Variants in UBE2N observed in about 807,000 individuals in gnomAD.
The protein encoded by UBE2N is ubiquitin conjugating enzyme E2 N.
For synonymous variants in UBE2N, 70 were observed against 69.2 expected (o/e 1.01, Z -0.06); for missense variants, 60 against 192.1 (o/e 0.31, Z 4.07).
intron 1 of UBE2N, among the ~76,000 whole-genome samples, chr12:93,424,947 G>A (rs1272091468): frequency 1.3e-5 from 2 of 152,130 alleles, no homozygotes; most frequent in Non-Finnish European, 2.9e-5. Context: ...ATACATAAAT[G>A]AACTTTGTTT....
chr12:93,412,441 A>G (rs1318293344), intron 1 of UBE2N, among the ~76,000 whole-genome samples: 2 of 152,260 alleles, frequency 1.3e-5, no homozygotes, highest in African/African-American at 4.8e-5. Flanking sequence ...GGTCTTGAGC[A>G]CTAGATCTTA....
At chr12:93,416,259 C>G (rs574888763) in intron 1 of UBE2N, among the ~76,000 whole-genome samples, 1 of 152,140 alleles carries the variant, frequency 6.6e-6, no homozygotes. Context: ...ACCACAGAAA[C>G]TGATGTCAAC....
chr12:93,433,095 G>C (rs2121094117), intron 1 of UBE2N, among the ~76,000 whole-genome samples: 1 of 151,994 alleles, frequency 6.6e-6, no homozygotes, highest in African/African-American at 2.4e-5. Flanking sequence ...ACCACGCCCA[G>C]CTAATTTTTT....
rs1301426417 is a variant in UBE2N, at chr12:93,408,665, G to A, written c.*1374C>T. The stretch of plus-strand genomic sequence containing the variant: ...AGGGGAGGAATTCGTCAATAAAGAA[G>A]AAAAATTACTGAATTCCAAATTAAA... On this transcript the variant is annotated 3_prime_UTR_variant, in exon 4 of 4. Transcript: ENST00000318066. 1 of 152,148 alleles carries A rather than the reference G, an allele frequency of 6.6e-6. No individual in the cohort carries two copies. Among genetic ancestry groups the A allele is most frequent in the Non-Finnish European group, 1.5e-5 (1 of 68,006 alleles). 9.4% of individuals were successfully genotyped at this position (152,148 alleles called of 1,614,324 possible). A position where few individuals can be genotyped will look rare whatever the true frequency, so the allele number is the denominator to read the frequency against.
intron 1 of UBE2N, among the ~76,000 whole-genome samples, chr12:93,417,629 C>T (rs1313441882): frequency 6.6e-6 from 1 of 152,142 alleles, no homozygotes; most frequent in Non-Finnish European, 1.5e-5. Flanking sequence ...CCAGTAATAT[C>T]AACTGTAGAT....
Position 93,409,365 on chromosome 12 carries a change from C to CA in UBE2N, c.*673dup, listed in dbSNP as rs1877964672. 1 of 164,726 alleles carries CA rather than the reference C, an allele frequency of 6.1e-6. No homozygotes were observed. The highest frequency in any genetic ancestry group is 1.5e-5 in the Non-Finnish European group (1 of 68,076). The allele number at this position is 164,726 out of a possible 1,614,324, so 10.2% of individuals were successfully genotyped here. A position where few individuals can be genotyped will look rare whatever the true frequency, so the allele number is the denominator to read the frequency against. Reference sequence around the variant, plus strand: ...ACTGTACAAAGGCAAAGTAGAATAACAAAAAATATTTTACTAAAACATAAG... The same window carrying CA: ...ACTGTACAAAGGCAAAGTAGAATAACAAAAAAATATTTTACTAAAACATAAG... On this transcript the variant is annotated 3_prime_UTR_variant, in exon 4 of 4. Coordinates refer to ENST00000318066, the MANE Select transcript of UBE2N (RefSeq NM_003348.4).
chr12:93,417,371 T>C (rs1422038332), intron 1 of UBE2N, among the ~76,000 whole-genome samples: 1 of 152,230 alleles, frequency 6.6e-6, no homozygotes, highest in Non-Finnish European at 1.5e-5. Context: ...AGGACTCTTA[T>C]TTTTAAGTTG....
rs978306548 is a variant in UBE2N at position 93,405,688 on chromosome 12, G to C, written c.*4351C>G. The C allele has an allele frequency of 1.3e-5, 2 of 152,142 alleles. No individual in the cohort carries two copies. The highest frequency in any genetic ancestry group is 2.9e-5 in the Non-Finnish European group (2 of 68,026). 9.4% of individuals were successfully genotyped at this position (152,142 alleles called of 1,614,324 possible). A position where few individuals can be genotyped will look rare whatever the true frequency, so the allele number is the denominator to read the frequency against. Reference sequence around the variant, plus strand: ...AAACAAACAATATATTACTAGTCCAGGTGGTAGATGACAGATTTTTATTAT... The same window carrying C: ...AAACAAACAATATATTACTAGTCCACGTGGTAGATGACAGATTTTTATTAT... On this transcript the variant is annotated 3_prime_UTR_variant, in exon 4 of 4. Transcript: ENST00000318066.
At chr12:93,418,596 C>T (rs551448120) in intron 1 of UBE2N, among the ~76,000 whole-genome samples, 2 of 149,298 alleles carry the variant, frequency 1.3e-5, no homozygotes, top group East Asian at 3.9e-4. Context: ...TACACTACTT[C>T]CTTACAAATC....
intron 1 of UBE2N, among the ~76,000 whole-genome samples, chr12:93,430,673 G>A (rs1018960575): frequency 5.3e-5 from 8 of 151,672 alleles, no homozygotes; most frequent in Non-Finnish European, 1.2e-4. Context: ...AACACTGTGG[G>A]AGGCTGAGAC....
At chr12:93,422,386 A>G (rs942243395) in intron 1 of UBE2N, among the ~76,000 whole-genome samples, 2 of 152,238 alleles carry the variant, frequency 1.3e-5, no homozygotes, top group African/African-American at 4.8e-5. Flanking sequence ...GAACTCTGTT[A>G]TCTCAGGAAT....
At chr12:93,413,681 A>G (rs1370274961) in intron 1 of UBE2N, among the ~76,000 whole-genome samples, 1 of 152,048 alleles carries the variant, frequency 6.6e-6, no homozygotes, top group Non-Finnish European at 1.5e-5. Flanking sequence ...TGATTGGCAA[A>G]TTGGTTTTTT....
At chr12:93,438,606 T>C (rs189108446) in intron 1 of UBE2N, among the ~76,000 whole-genome samples, 59 of 152,140 alleles carry the variant, frequency 3.9e-4, no homozygotes, top group Non-Finnish European at 3.1e-4. Flanking sequence ...CTAATGTAAG[T>C]GTGATGGAGA....
At chr12:93,438,166 G>A (rs1196895907) in intron 1 of UBE2N, among the ~76,000 whole-genome samples, 1 of 152,182 alleles carries the variant, frequency 6.6e-6, no homozygotes, top group Admixed American at 6.5e-5. Context: ...ATTGGTCTAG[G>A]CACGAATGAG....
rs916069537 is a variant in UBE2N, at chr12:93,406,477, A to T, written c.*3562T>A. The T allele has an allele frequency of 3.9e-5, 6 of 152,058 alleles. No individual in the cohort carries two copies. Among genetic ancestry groups the T allele is most frequent in the Non-Finnish European group, 8.8e-5 (6 of 67,998 alleles). The allele number at this position is 152,058 out of a possible 1,614,324, so 9.4% of individuals were successfully genotyped here. On this transcript the variant is annotated 3_prime_UTR_variant, in exon 4 of 4. Transcript: ENST00000318066. Reference sequence around the variant, plus strand: ...ACTTTTATCTGTTGGTTTGTATTTAATCTTATTTTTAAGTGCTTCTTTGAA... The same window carrying T: ...ACTTTTATCTGTTGGTTTGTATTTATTCTTATTTTTAAGTGCTTCTTTGAA...
At chr12:93,419,019 ATAATT>A (rs1246955872) in intron 1 of UBE2N, among the ~76,000 whole-genome samples, 4 of 152,328 alleles carry the variant, frequency 2.6e-5, no homozygotes, top group South Asian at 2.1e-4. Flanking sequence ...GTCATTATGA[ATAATT>A]TAATTTATTT....
chr12:93,416,481 T>G (rs1210407769), intron 1 of UBE2N, among the ~76,000 whole-genome samples: 2 of 150,776 alleles, frequency 1.3e-5, no homozygotes, highest in Non-Finnish European at 3.0e-5. Context: ...CAAGTCTCGC[T>G]CTCTTGCCCA....
At chr12:93,415,578 T>C (rs1016644839) in intron 1 of UBE2N, among the ~76,000 whole-genome samples, 3 of 152,192 alleles carry the variant, frequency 2.0e-5, no homozygotes, top group African/African-American at 7.2e-5. Context: ...AAGAGGCTGG[T>C]CTTCATTTTT....
intron 1 of UBE2N, among the ~76,000 whole-genome samples, chr12:93,415,851 C>T (rs7303274): frequency 0.019 from 2,901 of 152,210 alleles, 82 homozygotes; most frequent in African/African-American, 0.062. Flanking sequence ...AGAAAGGCCT[C>T]CAAAAGCGTA....
Sources: allele counts gnomAD v4.1 joint callset (sites outside exome capture counted in the v4.1 genomes callset), GRCh38; gene constraint gnomAD v4.1.1; transcripts MANE v1.5; gene names NCBI Gene and HGNC (gene_info 2026-07-23, HGNC 2026-07-21).